WNT7B: variants seen among roughly 807,000 people sequenced by gnomAD.
The protein encoded by WNT7B is Wnt family member 7B.
In WNT7B, 19 loss-of-function variants were observed where a neutral mutation model predicts 38.2. The ratio of observed to expected loss-of-function variants is 0.50; its 90% CI spans 0.35 to 0.73. WNT7B has a LOEUF of 0.73. Among genes scored for constraint, WNT7B ranks in the 30% least tolerant of loss-of-function variants. The pLI is 0.01. For missense variants in WNT7B, 423 were observed against 507.9 expected, an observed-to-expected ratio of 0.83 and a Z score of 1.61; for synonymous variants, 243 against 209.3, an observed-to-expected ratio of 1.16 and a Z score of -1.39.
At chr22:45,953,251 T>TCCGTG (rs1399177513) in intron 1 of WNT7B, among the ~76,000 whole-genome samples, 1 of 106,602 alleles carries the variant, frequency 9.4e-6, no homozygotes, top group Non-Finnish European at 2.1e-5. Flanking sequence ...AGTCACCGTG[T>TCCGTG]CCTCGGCTTC....
chr22:45,971,968 G>A (rs1601744659), intron 1 of WNT7B, among the ~76,000 whole-genome samples: 1 of 152,172 alleles, frequency 6.6e-6, no homozygotes, highest in East Asian at 1.9e-4. Context: ...GTAGCTGCCC[G>A]CCAAGTGCTC....
At position 45,923,201 on chromosome 22, in the gene WNT7B, G is replaced by A. The variant is rs374597135; in HGVS notation, c.705C>T (p.Ala235=). ...GHLLKEKYNA[A]VQVEVVRASR... ...TGGCCCGCACCACCTCCACCTGCAC[G>A]GCCGCGTTGTACTTCTCCTTCAGCA... The change falls in exon 4 of 4, where the codon GCC becomes GCT. Residue 235 remains alanine (A), a synonymous_variant. Transcript: ENST00000339464. 41 of 1,613,102 alleles carry A rather than the reference G, an allele frequency of 2.5e-5. No individual in the cohort carries two copies. In the South Asian group the frequency reaches 4.0e-4, roughly 16 times the overall value.
intron 2 of WNT7B, among the ~76,000 whole-genome samples, chr22:45,937,271 C>T (rs1931536369): frequency 2.0e-5 from 3 of 152,244 alleles, no homozygotes; most frequent in South Asian, 4.1e-4. Context: ...GGTCTGGGGG[C>T]CACACATGCT....
chr22:45,922,799 G>A lies in WNT7B; in HGVS notation c.*57C>T. On this transcript the variant is annotated 3_prime_UTR_variant, in exon 4 of 4. Coordinates refer to ENST00000339464, the MANE Select transcript of WNT7B (RefSeq NM_058238.3). ...CACCAAGGCAGGGAAGGTGAGGAGT[G>A]GATGTGCAAAATGCCGCCGGGTTCC... 1 of 1,553,094 alleles carries A rather than the reference G, an allele frequency of 6.4e-7. No individual in the cohort carries two copies. The highest frequency in any genetic ancestry group is 8.7e-7 in the Non-Finnish European group (1 of 1,147,114).
At chr22:45,954,704 T>A in intron 1 of WNT7B, 1 of 985,392 alleles carries the variant, frequency 1.0e-6, no homozygotes, top group Non-Finnish European at 1.2e-6. Flanking sequence ...AATAGTTAGA[T>A]GTGGTTGATA....
At chr22:45,961,755 C>T (rs1569123668) in intron 1 of WNT7B, among the ~76,000 whole-genome samples, 1 of 152,192 alleles carries the variant, frequency 6.6e-6, no homozygotes, top group Admixed American at 6.5e-5. Flanking sequence ...TAGTGAGGGG[C>T]TGAGGTGACA....
At chr22:45,945,400 A>T (rs962470047) in intron 2 of WNT7B, among the ~76,000 whole-genome samples, 1 of 152,226 alleles carries the variant, frequency 6.6e-6, no homozygotes, top group Non-Finnish European at 1.5e-5. Context: ...TTTTGATAGT[A>T]TATTTTATTT....
In WNT7B at chr22:45,965,901, C is replaced by A. The variant is rs556070801; in HGVS notation, c.71+10783G>T. ...GAAACGGGACACGCAACAGAGCCCGCCCAAGGCTGGAAACCCGCCTTAGTA... is the reference window on the plus strand; with the variant it reads ...GAAACGGGACACGCAACAGAGCCCGACCAAGGCTGGAAACCCGCCTTAGTA... On this transcript the variant is annotated intron_variant, in intron 1 of 3. Coordinates refer to ENST00000339464, the MANE Select transcript of WNT7B (RefSeq NM_058238.3). This position sits in a 1 kb window ranked among gnomAD's most constrained non-coding sequence, Gnocchi z 6.5. 7.9e-5 allele frequency among the ~76,000 whole-genome samples: 12 copies of A among 152,306 alleles called. No individual in the cohort carries two copies. The highest frequency in any genetic ancestry group is 2.9e-4 in the African/African-American group (12 of 41,558).
At chr22:45,959,997 A>T (rs989232273) in intron 1 of WNT7B, among the ~76,000 whole-genome samples, 5 of 152,116 alleles carry the variant, frequency 3.3e-5, no homozygotes, top group African/African-American at 1.2e-4. Flanking sequence ...GACCTCTATC[A>T]AAAAGCTCAT....
intron 3 of WNT7B, among the ~76,000 whole-genome samples, chr22:45,929,281 T>C (rs1253027070): frequency 6.6e-6 from 1 of 152,192 alleles, no homozygotes; most frequent in Non-Finnish European, 1.5e-5. Flanking sequence ...GTGATCTGCC[T>C]GTACCTGGAG....
rs562493807 is a variant in WNT7B, at chr22:45,976,602, C to G, written c.71+82G>C. ...CTGCAGTGGCCCCCTCCAGTCCCCA[C>G]GTCCCCACGGGGACGCCCCGGAGGC... On this transcript the variant is annotated intron_variant, in intron 1 of 3. Transcript: ENST00000339464. The surrounding 1 kb of genome is among the most constrained non-coding windows in gnomAD (Gnocchi z 8.5). 94 of 1,467,188 alleles carry G rather than the reference C, an allele frequency of 6.4e-5. No homozygotes were observed. In the African/African-American group the frequency reaches 1.2e-3, roughly 18 times the overall value. The allele number at this position is 1,467,188 out of a possible 1,614,324, so 90.9% of individuals were successfully genotyped here.
At position 45,922,789 on chromosome 22, in the gene WNT7B, G is replaced by T; in HGVS notation, c.*67C>A. The T allele has an allele frequency of 6.5e-7, 1 of 1,546,508 alleles. No individual in the cohort carries two copies. On this transcript the variant is annotated 3_prime_UTR_variant, in exon 4 of 4. Coordinates refer to ENST00000339464, the MANE Select transcript of WNT7B (RefSeq NM_058238.3). ...CTGCTGGCAGCACCAAGGCAGGGAAGGTGAGGAGTGGATGTGCAAAATGCC... is the reference window on the plus strand; with the variant it reads ...CTGCTGGCAGCACCAAGGCAGGGAATGTGAGGAGTGGATGTGCAAAATGCC...
At chr22:45,934,100 G>A (rs568288708) in intron 2 of WNT7B, among the ~76,000 whole-genome samples, 15 of 152,364 alleles carry the variant, frequency 9.8e-5, no homozygotes, top group South Asian at 4.1e-4. Context: ...AGGATGAGGC[G>A]CGTCCAACCA....
rs138221365 is a variant in WNT7B at position 45,974,909 on chromosome 22, G to A, written c.71+1775C>T. ...ATACAGACCTCAAGCCCTGGAAGCA[G>A]CCCCAGGAGCCGGGCTAGGGTGGAC... On this transcript the variant is annotated intron_variant, in intron 1 of 3. Coordinates refer to ENST00000339464, the MANE Select transcript of WNT7B (RefSeq NM_058238.3). 2.4e-3 allele frequency among the ~76,000 whole-genome samples: 365 copies of A among 152,266 alleles called. 1 individual carries two copies. The highest frequency in any genetic ancestry group is 8.3e-3 in the African/African-American group (343 of 41,544).
intron 3 of WNT7B, among the ~76,000 whole-genome samples, chr22:45,930,236 C>T (rs1372689112): frequency 2.0e-5 from 3 of 152,240 alleles, no homozygotes; most frequent in Admixed American, 6.5e-5. Flanking sequence ...CAGCCTAGCA[C>T]CTGGCACAGA....
chr22:45,967,596 T>C (rs565186095), intron 1 of WNT7B, among the ~76,000 whole-genome samples: 81 of 152,072 alleles, frequency 5.3e-4, no homozygotes, highest in Admixed American at 2.3e-3. Context: ...ACCCAGGGTC[T>C]GTTAGGGTCC....
At chr22:45,962,668 C>T (rs1005302670) in intron 1 of WNT7B, among the ~76,000 whole-genome samples, 5 of 152,260 alleles carry the variant, frequency 3.3e-5, no homozygotes, top group Non-Finnish European at 7.3e-5. Flanking sequence ...CTCTTTGCTT[C>T]CCACAGTACA....
intron 2 of WNT7B, among the ~76,000 whole-genome samples, chr22:45,933,355 C>T (rs899890880): frequency 2.0e-5 from 3 of 152,236 alleles, no homozygotes; most frequent in African/African-American, 7.2e-5. Context: ...CTCTTCTGGC[C>T]ACTGCCTACC....
At chr22:45,923,356 G>T (rs1239892102) in intron 3 of WNT7B, 21 bp from the exon 4 acceptor site, 1 of 1,579,698 alleles carries the variant, frequency 6.3e-7, no homozygotes, top group Non-Finnish European at 8.6e-7. Flanking sequence ...CAGGGAAGCT[G>T]CTCGGCACGG....
Sources: gnomAD v4.1 joint callset for allele counts (sites outside exome capture counted in the v4.1 genomes callset) on GRCh38, gnomAD v4.1.1 for gene constraint, Gnocchi (gnomAD v3.1) non-coding constraint, MANE v1.5 for transcripts, NCBI Gene and HGNC (gene_info 2026-07-23, HGNC 2026-07-21) for gene names.